Variants in CCDC33 observed in about 807,000 individuals in gnomAD.
CCDC33 encodes coiled-coil domain-containing protein 33.
A neutral mutation model predicts 91.9 loss-of-function variants in CCDC33; 94 were observed. That is an observed-to-expected ratio of 1.02 (90% CI 0.87 to 1.21). The LOEUF (loss-of-function observed/expected upper bound fraction) is 1.21. Ranked by LOEUF, CCDC33 falls within the 50% of genes most tolerant of loss-of-function variation. The pLI is 0.00. For synonymous variants in CCDC33, 396 were observed against 374.5 expected (o/e 1.06, Z -0.66); for missense variants, 940 against 935.5 (o/e 1.00, Z -0.06).
intron 2 of CCDC33, among the ~76,000 whole-genome samples, chr15:74,248,779 C>T (rs1048671346): frequency 1.3e-5 from 2 of 152,166 alleles, no homozygotes; most frequent in African/African-American, 4.8e-5. Flanking sequence ...GCACTTGGCT[C>T]ATCTTGGGGG....
intron 10 of CCDC33, among the ~76,000 whole-genome samples, chr15:74,286,744 C>A (rs920579135): frequency 1.2e-4 from 19 of 152,302 alleles, no homozygotes; most frequent in African/African-American, 4.3e-4. Flanking sequence ...GGTGGCCACA[C>A]CCTCCTCAGC....
chr15:74,291,941 CAACAACACAGGGAGCAGTGAGCTG>C (rs1233305352), intron 10 of CCDC33, among the ~76,000 whole-genome samples: 1 of 152,246 alleles, frequency 6.6e-6, no homozygotes, highest in Non-Finnish European at 1.5e-5. Context: ...TGGGCAGCTG[CAACAACACAGGGAGCAGTGAGCTG>C]AATGCTGGGT....
In CCDC33 at chr15:74,218,787, T is replaced by A; in HGVS notation, c.601T>A (p.Ser201Thr). ...CCACCGGGGCCCTCAGCCTCCAGTCTCAGACAGCCCTCCCAGGGCTGGCCA... is the reference window on the plus strand; with the variant it reads ...CCACCGGGGCCCTCAGCCTCCAGTCACAGACAGCCCTCCCAGGGCTGGCCA... The change falls in exon 2 of 3, where the codon TCA becomes ACA. Residue 201 changes from serine (S) to threonine (T), a missense_variant. Physicochemically the swap from Ser to Thr is moderately conservative, Grantham distance 58. Coordinates refer to the CCDC33 transcript ENST00000635913. The surrounding 1 kb of genome is among the most constrained non-coding windows in gnomAD (Gnocchi z 4.8). 7.8e-7 allele frequency: 1 copy of A among 1,288,258 alleles called. No individual in the cohort carries two copies. Among genetic ancestry groups the A allele is most frequent in the South Asian group, 1.2e-5 (1 of 80,894 alleles). 79.8% of individuals were successfully genotyped at this position (1,288,258 alleles called of 1,614,324 possible). A position where few individuals can be genotyped will look rare whatever the true frequency, so the allele number is the denominator to read the frequency against.
chr15:74,266,317 G>A (rs1414299388), intron 3 of CCDC33, among the ~76,000 whole-genome samples: 2 of 151,966 alleles, frequency 1.3e-5, no homozygotes, highest in East Asian at 3.9e-4. Flanking sequence ...GGAAAGAGGT[G>A]CTATGCCTGC....
At position 74,330,682 on chromosome 15, in the gene CCDC33, G is replaced by T. The variant is rs781626484; in HGVS notation, c.1476G>T (p.Leu492=). The change falls in exon 13 of 19, where the codon CTG becomes CTT. Residue 492 remains leucine, a synonymous_variant. Transcript: ENST00000398814. ...AQNTVSMKQK[L]LLSELDMKKL... Reference sequence around the variant, plus strand: ...TAACAGTGTCCATGAAGCAGAAACTGCTGCTGAGTGAGCTGGATATGAAGA... The same window carrying T: ...TAACAGTGTCCATGAAGCAGAAACTTCTGCTGAGTGAGCTGGATATGAAGA... 2 of 1,613,564 alleles carry T rather than the reference G, an allele frequency of 1.2e-6. No homozygotes were observed. The highest frequency in any genetic ancestry group is 2.2e-5 in the South Asian group (2 of 91,080).
chr15:74,209,947 C>G (rs2074345257), intron 2 of CCDC33, among the ~76,000 whole-genome samples: 1 of 152,218 alleles, frequency 6.6e-6, no homozygotes, highest in Admixed American at 6.5e-5. Context: ...AAAGGTGGGA[C>G]CACAGGCTTT....
chr15:74,263,148 C>T (rs1176745504), intron 3 of CCDC33, among the ~76,000 whole-genome samples: 2 of 152,212 alleles, frequency 1.3e-5, no homozygotes, highest in Non-Finnish European at 2.9e-5. Context: ...GCCTGAGCCA[C>T]GAGGTGCCCA....
At chr15:74,326,770 C>A (rs1032366525) in intron 11 of CCDC33, among the ~76,000 whole-genome samples, 8 of 152,300 alleles carry the variant, frequency 5.3e-5, no homozygotes, top group African/African-American at 1.9e-4. Flanking sequence ...CCTGACCCTC[C>A]CCCAGCAGAC....
At chr15:74,330,946 C>T in intron 13 of CCDC33, 35 bp from the exon 14 acceptor site, 1 of 1,559,008 alleles carries the variant, frequency 6.4e-7, no homozygotes. Flanking sequence ...CCCAGGCACC[C>T]ATTCTCTCCC....
intron 11 of CCDC33, among the ~76,000 whole-genome samples, chr15:74,296,268 G>A (rs1204203461): frequency 6.6e-6 from 1 of 152,174 alleles, no homozygotes; most frequent in Non-Finnish European, 1.5e-5. Flanking sequence ...TGGCCACTGG[G>A]TAGTGGGAAA....
intron 10 of CCDC33, among the ~76,000 whole-genome samples, chr15:74,291,108 GGGGCCCT>G (rs1279161108): frequency 6.6e-6 from 1 of 152,204 alleles, no homozygotes. Flanking sequence ...GATTAACACT[GGGGCCCT>G]TCTTGGCTGG....
upstream of CCDC33, among the ~76,000 whole-genome samples, chr15:74,232,756 T>A (rs184828469): frequency 6.6e-6 from 1 of 152,326 alleles, no homozygotes; most frequent in Non-Finnish European, 1.5e-5. Context: ...AATGAGACCA[T>A]GAAGGTAAAG....
Position 74,316,997 on chromosome 15 carries a change from A to T in CCDC33, c.1291-13192A>T, listed in dbSNP as rs1235977491. 1.3e-5 allele frequency among the ~76,000 whole-genome samples: 2 copies of T among 152,150 alleles called. No individual in the cohort carries two copies. Among genetic ancestry groups the T allele is most frequent in the Non-Finnish European group, 2.9e-5 (2 of 68,034 alleles). ...GCCCACTCAAATAAGAACTAATAGG[A>T]GTATGGGGATTGTCTTGTGCCACTC... On this transcript the variant is annotated intron_variant, in intron 11 of 18. Coordinates refer to ENST00000398814, the MANE Select transcript of CCDC33 (RefSeq NM_025055.5). The surrounding 1 kb of genome is among the most constrained non-coding windows in gnomAD (Gnocchi z 4.7).
intron 2 of CCDC33, among the ~76,000 whole-genome samples, chr15:74,256,716 AAG>A (rs1260936474): frequency 6.6e-6 from 1 of 152,182 alleles, no homozygotes; most frequent in East Asian, 1.9e-4. Context: ...CAGCCTCAAA[AAG>A]AGCAAAAAAG....
intron 1 of CCDC33, chr15:74,207,963 C>A (rs1306114407): frequency 1.8e-5 from 26 of 1,436,852 alleles, no homozygotes; most frequent in Admixed American, 5.0e-5. Flanking sequence ...TACCTCCTAC[C>A]TCCCCTGCCA....
chr15:74,266,567 G>T, intron 3 of CCDC33, 111 bp from the exon 4 acceptor site: 1 of 759,890 alleles, frequency 1.3e-6, no homozygotes, highest in Non-Finnish European at 2.3e-6. Context: ...CCTCAGTGTG[G>T]CCCCTGCTCC....
At position 74,331,273 on chromosome 15, in the gene CCDC33, G is replaced by T; in HGVS notation, c.1748G>T (p.Arg583Met). 1 of 1,614,106 alleles carries T rather than the reference G, an allele frequency of 6.2e-7. No individual in the cohort carries two copies. Among genetic ancestry groups the T allele is most frequent in the African/African-American group, 1.3e-5 (1 of 75,060 alleles). ...AGGAGCAAGCCCCCTCCTCTGAACA[G>T]GCAGCAGGGAAAGCCCTACACGGGT... ...QDRSKPPPLN[R>M]QQGKPYTGFP... is the part of the protein sequence containing the mutation. Residue 583 changes from arginine (R) to methionine (M), a missense_variant, in exon 15 of 19, where the codon AGG becomes ATG. Physicochemically the swap from Arg to Met is moderately conservative, Grantham distance 91. Transcript: ENST00000398814.
intron 11 of CCDC33, 108 bp from the exon 12 acceptor site, chr15:74,330,081 T>G: frequency 7.7e-7 from 1 of 1,301,768 alleles, no homozygotes; most frequent in Non-Finnish European, 1.0e-6. Flanking sequence ...GGGCTCCTGG[T>G]GCTCACTGGC....
intron 7 of CCDC33, among the ~76,000 whole-genome samples, chr15:74,277,989 T>C (rs1285240801): frequency 6.6e-6 from 1 of 152,154 alleles, no homozygotes; most frequent in African/African-American, 2.4e-5. Context: ...CCCAGGAGAA[T>C]GGGGTGACTC....
Sources: gnomAD v4.1 joint callset for allele counts (sites outside exome capture counted in the v4.1 genomes callset) on GRCh38, gnomAD v4.1.1 for gene constraint, Gnocchi (gnomAD v3.1) non-coding constraint, MANE v1.5 for transcripts, NCBI Gene and HGNC (gene_info 2026-07-23, HGNC 2026-07-21) for gene names.